Variants in ENAH observed in about 807,000 individuals in gnomAD.
ENAH encodes protein enabled homolog.
In ENAH, 23 loss-of-function variants were observed where a neutral mutation model predicts 78.7. That is an observed-to-expected ratio of 0.29 (90% CI 0.21 to 0.41). The LOEUF is 0.41. ENAH is among the 10% of genes least tolerant of loss of function. ENAH has a pLI of 1.00. For synonymous variants in ENAH, 226 were observed against 241.0 expected (o/e 0.94, Z 0.58); for missense variants, 544 against 691.0 (o/e 0.79, Z 2.39).
At chr1:225,621,162 A>C (rs1003212203) in intron 1 of ENAH, among the ~76,000 whole-genome samples, 1 of 152,230 alleles carries the variant, frequency 6.6e-6, no homozygotes, top group Non-Finnish European at 1.5e-5. Flanking sequence ...CATCTTTTTA[A>C]GAGTGACAAT....
At chr1:225,500,854 T>A (rs2096278210) in intron 12 of ENAH, 138 bp downstream of exon 12, 1 of 790,684 alleles carries the variant, frequency 1.3e-6, no homozygotes, top group Non-Finnish European at 2.0e-6. Context: ...GTACTACTAA[T>A]GCCACTGTTT....
At chr1:225,581,290 T>C (rs75759862) in intron 1 of ENAH, 2 of 984,698 alleles carry the variant, frequency 2.0e-6, no homozygotes, top group South Asian at 4.7e-5. Flanking sequence ...ATTATTTTCA[T>C]GAAGTTATAT....
rs757480714 is a variant in ENAH, at chr1:225,621,296, C to CTTTTTTTT, written c.5+31382_5+31389dup. ...GAATTACTTCTTTAAATCTATCTCT[C>CTTTTTTTT]TTTTTTTTTTTTTTGAGACGCAGTC... On this transcript the variant is annotated intron_variant, in intron 1 of 13. Coordinates refer to ENST00000366843, the MANE Select transcript of ENAH (RefSeq NM_018212.6). Among the ~76,000 whole-genome samples, 359 of 142,742 alleles carry CTTTTTTTT rather than the reference C, an allele frequency of 2.5e-3. 2 individuals are homozygous for CTTTTTTTT. Among genetic ancestry groups the CTTTTTTTT allele is most frequent in the Non-Finnish European group, 4.2e-3 (272 of 65,050 alleles). 93.6% of individuals were successfully genotyped at this position (142,742 alleles called of 152,430 possible).
rs1030529651 is a variant in ENAH at position 225,642,428 on chromosome 1, T to C, written c.5+10258A>G. Among the ~76,000 whole-genome samples the C allele has an allele frequency of 9.2e-5, 14 of 152,096 alleles. No homozygotes were observed. In the South Asian group the frequency reaches 1.5e-3, roughly 16 times the overall value. On this transcript the variant is annotated intron_variant, in intron 1 of 13. Transcript: ENST00000366843. ...GCATGTTGTCATGAGGAGGCTGCTA[T>C]TGTTAAGTGAGCGATGAGGCAGAGG... is the stretch of plus-strand genomic sequence containing the variant.
intron 5 of ENAH, among the ~76,000 whole-genome samples, chr1:225,518,221 A>G (rs1031159149): frequency 3.3e-5 from 5 of 152,260 alleles, no homozygotes; most frequent in African/African-American, 7.2e-5. Flanking sequence ...CTTTTATCTA[A>G]TAAGTGGATT....
rs1235930958 is a variant in ENAH at position 225,597,571 on chromosome 1, C to T, written c.6-30157G>A. Among the ~76,000 whole-genome samples the T allele has an allele frequency of 3.3e-5, 5 of 149,448 alleles. No homozygotes were observed. In the Admixed American group the frequency reaches 3.4e-4, roughly 10 times the overall value. On this transcript the variant is annotated intron_variant, in intron 1 of 13. Transcript: ENST00000366843. ...ACCCAGGAGCCCGAGACAGGAGGAT[C>T]ACTTGACCCCTCGGAGGTACAGGCT...
At chr1:225,609,714 G>C (rs1344224449) in intron 1 of ENAH, among the ~76,000 whole-genome samples, 1 of 136,922 alleles carries the variant, frequency 7.3e-6, no homozygotes, top group Non-Finnish European at 1.5e-5. Flanking sequence ...GCCCAGGCTG[G>C]AATGCAGTGG....
At chr1:225,591,467 TAA>T (rs776686674) in intron 1 of ENAH, among the ~76,000 whole-genome samples, 16 of 113,226 alleles carry the variant, frequency 1.4e-4, no homozygotes, top group Non-Finnish European at 1.5e-4. Flanking sequence ...AAACTACGTT[TAA>T]AAAAAAAAAA....
chr1:225,593,541 A>G (rs993578100), intron 1 of ENAH, among the ~76,000 whole-genome samples: 1 of 152,006 alleles, frequency 6.6e-6, no homozygotes, highest in African/African-American at 2.4e-5. Flanking sequence ...TAAGTATAGA[A>G]TGCAGTGTCA....
intron 1 of ENAH, among the ~76,000 whole-genome samples, chr1:225,579,486 C>A (rs1050990783): frequency 1.3e-5 from 2 of 152,050 alleles, no homozygotes; most frequent in Non-Finnish European, 2.9e-5. Flanking sequence ...AATTAATACT[C>A]CAGGGAAAGT....
rs1176691179 is a variant in ENAH, at chr1:225,493,555, G to A, written c.*4220C>T. On this transcript the variant is annotated 3_prime_UTR_variant, in exon 14 of 14. Transcript: ENST00000366843. ...CCTTTTCTCATTCCTTAGAGCTTTG[G>A]AGAGATGTACAGATATGAACTCATC... 2 of 152,112 alleles carry A rather than the reference G, an allele frequency of 1.3e-5. No homozygotes were observed. Among genetic ancestry groups the A allele is most frequent in the South Asian group, 2.1e-4 (1 of 4,822 alleles). 9.4% of individuals were successfully genotyped at this position (152,112 alleles called of 1,614,324 possible). A position where few individuals can be genotyped will look rare whatever the true frequency, so the allele number is the denominator to read the frequency against.
chr1:225,636,908 G>A (rs141814830), intron 1 of ENAH, among the ~76,000 whole-genome samples: 46 of 152,222 alleles, frequency 3.0e-4, no homozygotes, highest in African/African-American at 1.0e-3. Context: ...GAGAGACTCA[G>A]CCTGGAACAA....
chr1:225,605,075 T>A (rs2096950262), intron 1 of ENAH, among the ~76,000 whole-genome samples: 1 of 152,198 alleles, frequency 6.6e-6, no homozygotes, highest in South Asian at 2.1e-4. Flanking sequence ...AGGTTTCACT[T>A]AAAGCATGTA....
At chr1:225,641,829 C>T (rs1170459904) in intron 1 of ENAH, among the ~76,000 whole-genome samples, 6 of 151,694 alleles carry the variant, frequency 4.0e-5, no homozygotes, top group African/African-American at 7.3e-5. Flanking sequence ...AAGACCAGCC[C>T]GGCCAACATG....
chr1:225,593,400 T>TGGGGGGGGGGGGGGGGG (rs1456095465), intron 1 of ENAH, among the ~76,000 whole-genome samples: 1 of 20,442 alleles, frequency 4.9e-5, no homozygotes. Flanking sequence ...TGTGTGTGTG[T>TGGGGGGGGGGGGGGGGG]GGGGGGGGGG....
intron 4 of ENAH, chr1:225,524,700 G>C: frequency 3.2e-6 from 3 of 939,902 alleles, no homozygotes; most frequent in Non-Finnish European, 3.8e-6. Flanking sequence ...TCAGTTCTGT[G>C]CCGCAATTAT....
intron 1 of ENAH, among the ~76,000 whole-genome samples, chr1:225,588,801 C>CAAAA (rs55962047): frequency 2.6e-5 from 2 of 78,426 alleles, no homozygotes; most frequent in African/African-American, 5.3e-5. Flanking sequence ...AAGTCTGTGT[C>CAAAA]AAAAAAAAAA....
At position 225,567,276 on chromosome 1, in the gene ENAH, C is replaced by A. The variant is rs770002859; in HGVS notation, c.144G>T (p.Val48=). The A allele has an allele frequency of 6.2e-7, 1 of 1,613,736 alleles. No homozygotes were observed. The highest frequency in any genetic ancestry group is 1.3e-5 in the African/African-American group (1 of 74,896). ...GATGGTCCTGAATCTTCCTGCCCAC[C>A]ACTCTGAATGTGTTGTTGCCTGTAT... The part of the protein sequence containing the change: ...YHHTGNNTFR[V]VGRKIQDHQV... The change falls in exon 2 of 14, where the codon GTG becomes GTT. Residue 48 remains valine, a synonymous_variant. Transcript: ENST00000366843.
chr1:225,631,675 T>C (rs1264168757), intron 1 of ENAH, among the ~76,000 whole-genome samples: 2 of 152,116 alleles, frequency 1.3e-5, no homozygotes. Context: ...TTCCAGCCTA[T>C]TTACAACTTG....
Sources: allele counts gnomAD v4.1 joint callset (sites outside exome capture counted in the v4.1 genomes callset), GRCh38; gene constraint gnomAD v4.1.1; transcripts MANE v1.5; gene names NCBI Gene and HGNC (gene_info 2026-07-23, HGNC 2026-07-21).